EML6: variants seen among roughly 807,000 people sequenced by gnomAD.
EML6 encodes EMAP like 6.
A neutral mutation model predicts 240.1 loss-of-function variants in EML6; 154 were observed. That is an observed-to-expected ratio of 0.64 (90% CI 0.56 to 0.73). EML6 has a LOEUF of 0.73. Ranked by LOEUF, EML6 falls within the 30% of genes least tolerant of loss-of-function variation. The pLI, the probability that EML6 is intolerant of heterozygous loss-of-function variation, is 0.00. For missense variants in EML6, 2,964 were observed against 2,474.6 expected (o/e 1.20, Z -4.20); for synonymous variants, 1,148 against 899.0 (o/e 1.28, Z -4.95).
intron 25 of EML6, among the ~76,000 whole-genome samples, chr2:54,913,895 C>A (rs1369474792): frequency 6.6e-6 from 1 of 152,170 alleles, no homozygotes; most frequent in African/African-American, 2.4e-5. Flanking sequence ...GTTATCCCAG[C>A]ACCATATATT....
intron 2 of EML6, among the ~76,000 whole-genome samples, chr2:54,750,102 A>G (rs988490890): frequency 6.6e-6 from 1 of 152,224 alleles, no homozygotes; most frequent in Non-Finnish European, 1.5e-5. Context: ...GGGCCCTGCC[A>G]CGGTGAGCTC....
chr2:54,911,085 A>G (rs1204125638), intron 25 of EML6, 43 bp downstream of exon 25: 3 of 1,007,702 alleles, frequency 3.0e-6, no homozygotes, highest in Non-Finnish European at 4.5e-6. Context: ...TTTTGTGAAG[A>G]TTTAATATGT....
At position 54,859,696 on chromosome 2, in the gene EML6, C is replaced by T. The variant is rs766789154; in HGVS notation, c.1820C>T (p.Pro607Leu). The change falls in exon 12 of 42, where the codon CCC (proline) becomes CTC (leucine). Residue 607 changes from proline (P) to leucine (L), a missense_variant. Physicochemically the swap from Pro to Leu is moderately conservative, Grantham distance 98. Coordinates refer to ENST00000356458, the MANE Select transcript of EML6 (RefSeq NM_001039753.4). The part of the protein sequence containing the change: ...GVSNGMLETA[P>L]QEGGADSYSE... ...AGCAACGGCATGCTGGAAACTGCAC[C>T]CCAAGGTAAACCCAGCAATAATTTC... The T allele has an allele frequency of 6.5e-6, 10 of 1,534,308 alleles. No homozygotes were observed. In the South Asian group the frequency reaches 8.7e-5, roughly 13 times the overall value.
intron 2 of EML6, among the ~76,000 whole-genome samples, chr2:54,791,142 AT>A (rs1669427080): frequency 6.6e-6 from 1 of 152,096 alleles, no homozygotes; most frequent in Non-Finnish European, 1.5e-5. Context: ...GTGAAGAGAA[AT>A]TCAGAGAGGT....
intron 17 of EML6, among the ~76,000 whole-genome samples, chr2:54,883,167 C>T (rs1671931327): frequency 6.6e-6 from 1 of 152,000 alleles, no homozygotes; most frequent in African/African-American, 2.4e-5. Context: ...TTCCACTACC[C>T]AGATGTAGCC....
intron 24 of EML6, among the ~76,000 whole-genome samples, chr2:54,908,838 A>C: frequency 6.6e-6 from 1 of 152,104 alleles, no homozygotes; most frequent in East Asian, 1.9e-4. Context: ...GCCCAGTGTG[A>C]GCCTGGCCCC....
chr2:54,830,683 T>G (rs1437647815), intron 7 of EML6, among the ~76,000 whole-genome samples: 1 of 152,202 alleles, frequency 6.6e-6, no homozygotes, highest in Admixed American at 6.5e-5. Flanking sequence ...GGCATATCCT[T>G]CAGGCCATCC....
chr2:54,772,655 C>T (rs1265754182), intron 2 of EML6, among the ~76,000 whole-genome samples: 1 of 152,120 alleles, frequency 6.6e-6, no homozygotes. Context: ...AGCAGCTCTG[C>T]GGTGTAGTTA....
At chr2:54,806,515 AG>A (rs1279024543) in intron 2 of EML6, among the ~76,000 whole-genome samples, 1 of 146,090 alleles carries the variant, frequency 6.8e-6, no homozygotes, top group Non-Finnish European at 1.5e-5. Flanking sequence ...CGGGATGCTG[AG>A]GCAGGAGAAT....
At chr2:54,961,185 T>TTGTTTTTTTTTTTTTGTTTTGTTTTG (rs1491471475) in intron 35 of EML6, among the ~76,000 whole-genome samples, 1 of 62,378 alleles carries the variant, frequency 1.6e-5, no homozygotes, top group East Asian at 4.0e-4. Context: ...CAGGAAGTAG[T>TTGTTTTTTTTTTTTTGTTTTGTTTTG]TTTTTTTTTT....
intron 11 of EML6, among the ~76,000 whole-genome samples, chr2:54,856,318 C>T (rs1454518341): frequency 6.6e-6 from 1 of 152,170 alleles, no homozygotes; most frequent in Non-Finnish European, 1.5e-5. Context: ...TTTTCCATGT[C>T]CTAATAGCCT....
At chr2:54,799,653 G>A (rs1434319095) in intron 2 of EML6, among the ~76,000 whole-genome samples, 1 of 152,154 alleles carries the variant, frequency 6.6e-6, no homozygotes, top group Non-Finnish European at 1.5e-5. Flanking sequence ...GTGCATGGTT[G>A]CTTTCATACT....
At chr2:54,789,889 A>G (rs994265361) in intron 2 of EML6, among the ~76,000 whole-genome samples, 1 of 152,236 alleles carries the variant, frequency 6.6e-6, no homozygotes, top group African/African-American at 2.4e-5. Context: ...TTTATGACAC[A>G]GAATATCTAC....
chr2:54,824,080 T>C (rs571665633), intron 5 of EML6, among the ~76,000 whole-genome samples: 5 of 152,266 alleles, frequency 3.3e-5, no homozygotes, highest in African/African-American at 4.8e-5. Flanking sequence ...GAAATTTCTT[T>C]AGTGAACTAC....
In EML6 at chr2:54,859,719, T is replaced by A; in HGVS notation, c.1825+18T>A. 1 of 1,517,190 alleles carries A rather than the reference T, an allele frequency of 6.6e-7. No homozygotes were observed. The highest frequency in any genetic ancestry group is 8.8e-7 in the Non-Finnish European group (1 of 1,133,114). The allele number at this position is 1,517,190 out of a possible 1,614,324, so 94.0% of individuals were successfully genotyped here. On this transcript the variant is annotated intron_variant, in intron 12 of 41. Coordinates refer to ENST00000356458, the MANE Select transcript of EML6 (RefSeq NM_001039753.4). ...ACCCCAAGGTAAACCCAGCAATAATTTCTTAACATCATTTTATTTTTCAAT... is the reference window on the plus strand; with the variant it reads ...ACCCCAAGGTAAACCCAGCAATAATATCTTAACATCATTTTATTTTTCAAT...
At position 54,959,143 on chromosome 2, in the gene EML6, T is replaced by A; in HGVS notation, c.4735T>A (p.Tyr1579Asn). Residue 1579 changes from tyrosine (Y) to asparagine (N), a missense_variant, in exon 34 of 42, where the codon TAC becomes AAC. Coordinates refer to ENST00000356458, the MANE Select transcript of EML6 (RefSeq NM_001039753.4). ...CACGGGTGCCATCAATGGAGATGTC[T>A]ACGTCTGGAAGGACCACTTCCTCAT... ...TFTGAINGDV[Y>N]VWKDHFLIRL... 6.4e-7 allele frequency: 1 copy of A among 1,551,554 alleles called. No individual in the cohort carries two copies. The highest frequency in any genetic ancestry group is 8.7e-7 in the Non-Finnish European group (1 of 1,146,946).
At chr2:54,968,593 G>A (rs1676852005) in intron 40 of EML6, 75 bp from the exon 41 acceptor site, 2 of 858,440 alleles carry the variant, frequency 2.3e-6, no homozygotes, top group African/African-American at 1.7e-5. Flanking sequence ...CAGGGGATTT[G>A]AGTGCTGGAA....
At chr2:54,790,014 AATG>A (rs1669342297) in intron 2 of EML6, among the ~76,000 whole-genome samples, 1 of 152,192 alleles carries the variant, frequency 6.6e-6, no homozygotes, top group Admixed American at 6.5e-5. Context: ...TGTATTTTTA[AATG>A]ATGAAAAATG....
At chr2:54,929,692 ACCTCCTCCTCCTCCT>A (rs67666233) in intron 28 of EML6, among the ~76,000 whole-genome samples, 38 of 143,160 alleles carry the variant, frequency 2.7e-4, no homozygotes, top group Non-Finnish European at 4.2e-4. Context: ...AAGAAATGTA[ACCTCCTCCTCCTCCT>A]CCTCCTCCTC....
Sources: allele counts gnomAD v4.1 joint callset (sites outside exome capture counted in the v4.1 genomes callset), GRCh38; gene constraint gnomAD v4.1.1; transcripts MANE v1.5; gene names NCBI Gene and HGNC (gene_info 2026-07-23, HGNC 2026-07-21).